The following HPSE2 variants were observed in gnomAD, a reference collection of about 807,000 sequenced individuals.
HPSE2 encodes heparanase 2 (inactive).
Under a neutral mutation model 60.5 loss-of-function variants are expected in HPSE2, and 38 were observed. The observed-to-expected ratio is 0.63, with a 90% CI of 0.48 to 0.82. HPSE2 has a LOEUF of 0.82. HPSE2 is among the 40% of genes least tolerant of loss of function. The pLI, the probability that HPSE2 is intolerant of heterozygous loss-of-function variation, is 0.00. For synonymous variants in HPSE2, 295 were observed against 293.2 expected, an observed-to-expected ratio of 1.01 and a Z score of -0.06; for missense variants, 713 against 740.4, an observed-to-expected ratio of 0.96 and a Z score of 0.43.
chr10:98,725,750 G>T (rs1340778002), intron 4 of HPSE2, among the ~76,000 whole-genome samples: 4 of 151,832 alleles, frequency 2.6e-5, no homozygotes, highest in Non-Finnish European at 4.4e-5. Context: ...TCTGACAAAG[G>T]GCTAATATCC....
intron 3 of HPSE2, among the ~76,000 whole-genome samples, chr10:98,867,180 C>T (rs1464987146): frequency 6.6e-6 from 1 of 151,786 alleles, no homozygotes; most frequent in Non-Finnish European, 1.5e-5. Context: ...GAGACCAAAG[C>T]ACTTCATTCA....
At position 98,698,339 on chromosome 10, in the gene HPSE2, C is replaced by T. The variant is rs1948292617; in HGVS notation, c.957-4392G>A. Among the ~76,000 whole-genome samples the T allele has an allele frequency of 2.0e-5, 3 of 151,640 alleles. No individual in the cohort carries two copies. The South Asian group carries it at 6.2e-4, about 32-fold the overall frequency. On this transcript the variant is annotated intron_variant, in intron 5 of 11. Coordinates refer to ENST00000370552, the MANE Select transcript of HPSE2 (RefSeq NM_021828.5). ...CTAGAACTCAGGATTAAGAAACTCA[C>T]TCAAAACCACTCAATTACATGGAAA...
chr10:98,948,633 C>A (rs945452501), intron 3 of HPSE2, among the ~76,000 whole-genome samples: 1 of 152,012 alleles, frequency 6.6e-6, no homozygotes, highest in African/African-American at 2.4e-5. Context: ...AAAGAAAAAG[C>A]AGAAAAGTCA....
At chr10:98,895,729 T>C (rs1193234892) in intron 3 of HPSE2, among the ~76,000 whole-genome samples, 2 of 151,032 alleles carry the variant, frequency 1.3e-5, no homozygotes, top group South Asian at 2.1e-4. Context: ...ATGTGGCACA[T>C]ATACACCATG....
chr10:99,000,469 T>C (rs1004179641), intron 3 of HPSE2, among the ~76,000 whole-genome samples: 2 of 151,954 alleles, frequency 1.3e-5, no homozygotes, highest in Non-Finnish European at 2.9e-5. Flanking sequence ...AAAAATTGCA[T>C]AGAGTGACAA....
At chr10:99,017,999 T>C (rs12248246) in intron 3 of HPSE2, among the ~76,000 whole-genome samples, 1,756 of 152,236 alleles carry the variant, frequency 0.012, 33 homozygotes, top group African/African-American at 0.04. Context: ...AGAGGAAAAG[T>C]AAAAGCAATA....
intron 3 of HPSE2, among the ~76,000 whole-genome samples, chr10:98,814,769 G>C (rs1460283785): frequency 1.3e-5 from 2 of 152,190 alleles, no homozygotes; most frequent in African/African-American, 4.8e-5. Flanking sequence ...TTCAGCAGTA[G>C]GGAGATCAGC....
At chr10:98,770,842 A>T (rs1004202978) in intron 3 of HPSE2, among the ~76,000 whole-genome samples, 2 of 152,166 alleles carry the variant, frequency 1.3e-5, no homozygotes, top group Non-Finnish European at 2.9e-5. Flanking sequence ...GGGATTTGTG[A>T]CTGACTCATC....
intron 3 of HPSE2, among the ~76,000 whole-genome samples, chr10:99,025,282 G>A (rs1957352036): frequency 6.6e-6 from 1 of 152,084 alleles, no homozygotes; most frequent in South Asian, 2.1e-4. Flanking sequence ...ATTGTGCAAA[G>A]CAGTGTGACA....
At chr10:98,597,250 T>C (rs559187919) in intron 9 of HPSE2, among the ~76,000 whole-genome samples, 5 of 152,310 alleles carry the variant, frequency 3.3e-5, no homozygotes, top group African/African-American at 7.2e-5. Context: ...ACCTTTGGCC[T>C]TCCTGTACTT....
At position 98,630,196 on chromosome 10, in the gene HPSE2, T is replaced by TG. The variant is rs1479097333; in HGVS notation, c.1099-9489_1099-9488insC. 5.3e-3 allele frequency among the ~76,000 whole-genome samples: 701 copies of TG among 131,244 alleles called. 2 individuals are homozygous for TG. The highest frequency in any genetic ancestry group is 0.018 in the African/African-American group (635 of 34,682). The allele number at this position is 131,244 out of a possible 152,430, so 86.1% of individuals were successfully genotyped here. A position where few individuals can be genotyped will look rare whatever the true frequency, so the allele number is the denominator to read the frequency against. On this transcript the variant is annotated intron_variant, in intron 7 of 11. Coordinates refer to ENST00000370552, the MANE Select transcript of HPSE2 (RefSeq NM_021828.5). ...CACGAAGCAATCGTTTTTTTTTTTG[T>TG]TTTTTTTTTTTTTGTTTTTGAGACA...
intron 3 of HPSE2, among the ~76,000 whole-genome samples, chr10:99,116,088 T>G (rs1410998851): frequency 6.6e-6 from 1 of 152,154 alleles, no homozygotes; most frequent in Non-Finnish European, 1.5e-5. Context: ...CCAAAATGTT[T>G]AGCTAAAATA....
At chr10:99,047,951 G>T in intron 3 of HPSE2, 1 of 739,208 alleles carries the variant, frequency 1.4e-6, no homozygotes, top group Non-Finnish European at 2.5e-6. Flanking sequence ...TAGCCCAAAG[G>T]TCCGAAAGAT....
intron 9 of HPSE2, among the ~76,000 whole-genome samples, chr10:98,505,981 G>C (rs549516365): frequency 1.3e-5 from 2 of 151,740 alleles, no homozygotes; most frequent in Admixed American, 6.6e-5. Context: ...TTTGTTAATC[G>C]TTAGTCTTTG....
At chr10:99,200,994 A>G (rs551506505) in intron 2 of HPSE2, among the ~76,000 whole-genome samples, 1 of 152,290 alleles carries the variant, frequency 6.6e-6, no homozygotes, top group East Asian at 1.9e-4. Context: ...GACTCAGGCA[A>G]AAAGAATAAA....
intron 3 of HPSE2, among the ~76,000 whole-genome samples, chr10:99,132,207 G>A (rs58019380): frequency 0.077 from 1,249 of 16,262 alleles, 125 homozygotes; most frequent in Non-Finnish European, 0.13. Flanking sequence ...GAGAGAGAGA[G>A]AGAGAGAGAG....
the HPSE2 span, among the ~76,000 whole-genome samples, chr10:99,302,823 A>G: frequency 6.6e-6 from 1 of 151,662 alleles, no homozygotes; most frequent in East Asian, 1.9e-4. Context: ...AAGACACCCC[A>G]TAGCCCCACC....
At chr10:98,626,663 A>G (rs1442175239) in intron 7 of HPSE2, among the ~76,000 whole-genome samples, 4 of 152,216 alleles carry the variant, frequency 2.6e-5, no homozygotes, top group South Asian at 4.1e-4. Context: ...TTTTCCATCA[A>G]TATTATAATA....
In HPSE2 at chr10:98,482,712, G is replaced by T; in HGVS notation, c.1537C>A (p.Leu513Met). 4 of 1,614,186 alleles carry T rather than the reference G, an allele frequency of 2.5e-6. No homozygotes were observed. The highest frequency in any genetic ancestry group is 3.4e-6 in the Non-Finnish European group (4 of 1,180,012). Residue 513 changes from leucine to methionine, a missense_variant, in exon 11 of 12, where the codon CTG becomes ATG. By Grantham distance (15) the Leu-to-Met change is conservative (BLOSUM62 2). Transcript: ENST00000370552. Reference protein sequence around the residue: ...NLHRSRKKIKLAGTLRDKLVH... With the variant: ...NLHRSRKKIKMAGTLRDKLVH... ...AGCTTGTCTCTGAGAGTCCCAGCCAGCTTGATTTTCTTTCTTGATCGATGC... is the reference window on the plus strand; with the variant it reads ...AGCTTGTCTCTGAGAGTCCCAGCCATCTTGATTTTCTTTCTTGATCGATGC...
Sources: allele counts gnomAD v4.1 joint callset (sites outside exome capture counted in the v4.1 genomes callset), GRCh38; gene constraint gnomAD v4.1.1; transcripts MANE v1.5; gene names NCBI Gene and HGNC (gene_info 2026-07-23, HGNC 2026-07-21).